Variants in PKP4 observed in about 807,000 individuals in gnomAD.
The protein encoded by PKP4 is plakophilin 4.
A neutral mutation model predicts 145.1 loss-of-function variants in PKP4; 90 were observed. The observed-to-expected ratio is 0.62, with a 90% CI of 0.52 to 0.74. The LOEUF (loss-of-function observed/expected upper bound fraction) is 0.74, where lower values mean the gene tolerates loss of function less well. Among genes scored for constraint, PKP4 ranks in the 30% least tolerant of loss-of-function variants. The pLI is 0.00. For synonymous variants in PKP4, 563 were observed against 577.2 expected (o/e 0.98, Z 0.35); for missense variants, 1,340 against 1,482.7 (o/e 0.90, Z 1.58).
chr2:158,582,260 A>G (rs2048394966), intron 3 of PKP4, among the ~76,000 whole-genome samples: 1 of 152,214 alleles, frequency 6.6e-6, no homozygotes. Flanking sequence ...GCATATAGTT[A>G]TATTTCACCT....
At chr2:158,568,286 T>C (rs1041709505) in intron 2 of PKP4, among the ~76,000 whole-genome samples, 5 of 152,024 alleles carry the variant, frequency 3.3e-5, no homozygotes, top group Non-Finnish European at 7.4e-5. Flanking sequence ...TGCAGTGAGC[T>C]GAGATCGTGC....
chr2:158,680,742 A>G lies in PKP4; in HGVS notation c.*65A>G. On this transcript the variant is annotated 3_prime_UTR_variant, in exon 22 of 22. Coordinates refer to ENST00000389759, the MANE Select transcript of PKP4 (RefSeq NM_003628.6). ...TTGTTCAGATTGAGGTGAAAAGTCC[A>G]TCTTGCTGATTTGATGATTGAAATG... 1 of 1,360,578 alleles carries G rather than the reference A, an allele frequency of 7.3e-7. No individual in the cohort carries two copies. Among genetic ancestry groups the G allele is most frequent in the South Asian group, 1.4e-5 (1 of 69,172 alleles). The allele number at this position is 1,360,578 out of a possible 1,614,324, so 84.3% of individuals were successfully genotyped here.
chr2:158,631,479 G>T (rs1233055983), intron 7 of PKP4, among the ~76,000 whole-genome samples: 2 of 152,022 alleles, frequency 1.3e-5, no homozygotes, highest in African/African-American at 4.8e-5. Flanking sequence ...GACATTCTGG[G>T]TTCAAGCAAT....
At chr2:158,643,477 G>A (rs1255166444) in intron 11 of PKP4, among the ~76,000 whole-genome samples, 2 of 152,204 alleles carry the variant, frequency 1.3e-5, no homozygotes, top group African/African-American at 2.4e-5. Flanking sequence ...TTGGGAGACC[G>A]AGGCAAGAGG....
Position 158,634,055 on chromosome 2 carries a change from A to G in PKP4, c.1343-15A>G. 7 of 1,453,228 alleles carry G rather than the reference A, an allele frequency of 4.8e-6. No individual in the cohort carries two copies. Among genetic ancestry groups the G allele is most frequent in the African/African-American group, 1.4e-5 (1 of 71,722 alleles). The allele number at this position is 1,453,228 out of a possible 1,614,324, so 90.0% of individuals were successfully genotyped here. The stretch of plus-strand genomic sequence containing the variant: ...GGAGAACATACTAATCTTTTTCAAA[A>G]TGTTGACTTTCTAGTAGGTATTGGA... On this transcript the variant is annotated splice_polypyrimidine_tract_variant and intron_variant, in intron 8 of 21. Transcript: ENST00000389759.
In PKP4 at chr2:158,631,882, C is replaced by T; in HGVS notation, c.1283C>T (p.Pro428Leu). 6.2e-7 allele frequency: 1 copy of T among 1,614,170 alleles called. No homozygotes were observed. Among genetic ancestry groups the T allele is most frequent in the Non-Finnish European group, 8.5e-7 (1 of 1,180,020 alleles). The part of the protein sequence containing the change: ...RTYYSPVYRS[P>L]NHGTVELQGS... ...TATTACAGCCCAGTGTACCGCAGCC[C>T]AAACCATGGAACTGTGGAGCTCCAA... Residue 428 changes from proline (P) to leucine (L), a missense_variant, in exon 8 of 22, where the codon CCA (proline) becomes CTA (leucine). Coordinates refer to ENST00000389759, the MANE Select transcript of PKP4 (RefSeq NM_003628.6).
chr2:158,642,360 T>C (rs2054370674), intron 10 of PKP4, 126 bp from the exon 11 acceptor site: 2 of 704,794 alleles, frequency 2.8e-6, no homozygotes, highest in East Asian at 5.2e-5. Flanking sequence ...TTATTTGGAA[T>C]AAAAAGTAAC....
chr2:158,486,065 A>G (rs2105449713), intron 1 of PKP4, among the ~76,000 whole-genome samples: 1 of 152,334 alleles, frequency 6.6e-6, no homozygotes, highest in African/African-American at 2.4e-5. Flanking sequence ...AATTACAAAA[A>G]TGAAATTTGA....
chr2:158,663,602 G>T (rs2056812945), intron 15 of PKP4, among the ~76,000 whole-genome samples, 157 bp downstream of exon 15: 1 of 152,222 alleles, frequency 6.6e-6, no homozygotes, highest in Non-Finnish European at 1.5e-5. Flanking sequence ...AAAAAAGGGA[G>T]ACAAGCAGTT....
At chr2:158,489,099 T>G (rs918527180) in intron 1 of PKP4, among the ~76,000 whole-genome samples, 1 of 152,224 alleles carries the variant, frequency 6.6e-6, no homozygotes, top group Non-Finnish European at 1.5e-5. Context: ...AAATCCAATA[T>G]TTTACATTTT....
intron 2 of PKP4, among the ~76,000 whole-genome samples, chr2:158,571,534 G>A (rs1447557745): frequency 6.6e-6 from 1 of 152,202 alleles, no homozygotes; most frequent in Non-Finnish European, 1.5e-5. Context: ...GTCTTCACCA[G>A]AGAGGGTTGT....
chr2:158,514,727 G>A (rs529467046), intron 1 of PKP4, among the ~76,000 whole-genome samples: 45 of 152,290 alleles, frequency 3.0e-4, no homozygotes, highest in Middle Eastern at 3.4e-3. Flanking sequence ...GATCACCTGA[G>A]GTCAGGAGTT....
At chr2:158,470,532 G>A (rs776873477) in intron 1 of PKP4, among the ~76,000 whole-genome samples, 1 of 151,984 alleles carries the variant, frequency 6.6e-6, no homozygotes, top group Non-Finnish European at 1.5e-5. Context: ...ATGACAACAA[G>A]AACAAAAAAC....
At chr2:158,468,936 G>A (rs1274409868) in intron 1 of PKP4, among the ~76,000 whole-genome samples, 6 of 151,470 alleles carry the variant, frequency 4.0e-5, no homozygotes, top group Admixed American at 6.6e-5. Flanking sequence ...TACCATGCCC[G>A]ACTAATTTTT....
At chr2:158,553,301 A>T (rs2045794712) in intron 2 of PKP4, among the ~76,000 whole-genome samples, 1 of 152,230 alleles carries the variant, frequency 6.6e-6, no homozygotes, top group Non-Finnish European at 1.5e-5. Context: ...CCAAGGATGT[A>T]GATAACCTTT....
intron 17 of PKP4, among the ~76,000 whole-genome samples, chr2:158,672,471 T>A (rs2057647431): frequency 6.6e-6 from 1 of 152,192 alleles, no homozygotes; most frequent in Non-Finnish European, 1.5e-5. Context: ...ATCTGCCTTT[T>A]GAGCCTCATC....
intron 4 of PKP4, among the ~76,000 whole-genome samples, chr2:158,618,665 AAT>A (rs887643579): frequency 6.6e-6 from 1 of 152,134 alleles, no homozygotes; most frequent in African/African-American, 2.4e-5. Context: ...GGTTTCTGAG[AAT>A]ATGTTTCATT....
chr2:158,665,868 A>G (rs925588084), intron 15 of PKP4: 4 of 152,226 alleles, frequency 2.6e-5, no homozygotes, highest in African/African-American at 9.6e-5. Flanking sequence ...GGCTGTATGA[A>G]TTATGATGCT....
At chr2:158,503,690 A>G (rs1171401479) in intron 1 of PKP4, among the ~76,000 whole-genome samples, 1 of 152,176 alleles carries the variant, frequency 6.6e-6, no homozygotes, top group Non-Finnish European at 1.5e-5. Flanking sequence ...ATATACTTAG[A>G]ATTATTTTAA....
Sources: gnomAD v4.1 joint callset for allele counts (sites outside exome capture counted in the v4.1 genomes callset) on GRCh38, gnomAD v4.1.1 for gene constraint, MANE v1.5 for transcripts, NCBI Gene and HGNC (gene_info 2026-07-23, HGNC 2026-07-21) for gene names.